The following ESRRG variants were observed in gnomAD, a reference collection of about 807,000 sequenced individuals.
ESRRG encodes estrogen related receptor gamma.
In ESRRG, 13 loss-of-function variants were observed where a neutral mutation model predicts 44.0. That is an observed-to-expected ratio of 0.30 (90% CI 0.19 to 0.47). The LOEUF (loss-of-function observed/expected upper bound fraction) is 0.47. Ranked by LOEUF, ESRRG falls within the 20% of genes least tolerant of loss-of-function variation. The pLI, the probability that ESRRG is intolerant of heterozygous loss-of-function variation, is 1.00. For synonymous variants in ESRRG, 215 were observed against 214.6 expected (o/e 1.00, Z -0.02); for missense variants, 395 against 580.6 (o/e 0.68, Z 3.29).
rs942642749 is a variant in ESRRG, at chr1:216,584,226, G to GT, written c.590-16129dup. ...TTTTTTCTAAACCAAGGTGCTCTCT[G>GT]TTTTTTTAATTCTATTTTTTTAAAA... On this transcript the variant is annotated intron_variant, in intron 3 of 6. Coordinates refer to ENST00000408911, the MANE Select transcript of ESRRG (RefSeq NM_001438.4). Among the ~76,000 whole-genome samples, 45 of 150,040 alleles carry GT rather than the reference G, an allele frequency of 3.0e-4. 1 individual carries two copies. The highest frequency in any genetic ancestry group is 3.5e-3 in the Middle Eastern group (1 of 284).
chr1:216,911,331 G>C (rs998401983), intron 2 of ESRRG, among the ~76,000 whole-genome samples: 1 of 152,108 alleles, frequency 6.6e-6, no homozygotes, highest in Non-Finnish European at 1.5e-5. Context: ...AGACATGGAG[G>C]AACCTTAAAT....
chr1:216,959,941 C>A (rs1290826833), intron 1 of ESRRG, among the ~76,000 whole-genome samples: 2 of 152,116 alleles, frequency 1.3e-5, no homozygotes, highest in African/African-American at 4.8e-5. Context: ...CCAGGAGGAA[C>A]TATTCCCACT....
At chr1:216,642,030 A>G (rs1222444881) in intron 3 of ESRRG, among the ~76,000 whole-genome samples, 1 of 152,204 alleles carries the variant, frequency 6.6e-6, no homozygotes, top group Non-Finnish European at 1.5e-5. Flanking sequence ...AGTATCTCAT[A>G]ATACCCATAG....
chr1:217,044,669 T>G (rs2084519808), intron 1 of ESRRG, among the ~76,000 whole-genome samples: 1 of 152,162 alleles, frequency 6.6e-6, no homozygotes, highest in Admixed American at 6.5e-5. Flanking sequence ...GAGTCCATTT[T>G]CATATTTTCT....
chr1:216,899,143 A>G (rs1264106858), intron 2 of ESRRG, among the ~76,000 whole-genome samples: 1 of 152,158 alleles, frequency 6.6e-6, no homozygotes, highest in East Asian at 1.9e-4. Context: ...TCAGGAAATA[A>G]ATGGCTAAGA....
chr1:216,854,044 C>T (rs2095879398), intron 2 of ESRRG, among the ~76,000 whole-genome samples: 1 of 152,076 alleles, frequency 6.6e-6, no homozygotes, highest in Non-Finnish European at 1.5e-5. Flanking sequence ...CAGCTGGCTG[C>T]TTCTGCAGCT....
intron 1 of ESRRG, among the ~76,000 whole-genome samples, chr1:216,682,907 G>A (rs113375549): frequency 0.016 from 2,437 of 152,096 alleles, 44 homozygotes; most frequent in South Asian, 0.035. Flanking sequence ...TTGCACTCTC[G>A]TAAAGTGGCA....
rs11572501 is a variant in ESRRG, at chr1:216,930,220, G to A, written c.-14+9362C>T. On this transcript the variant is annotated intron_variant, in intron 2 of 7. Transcript: ENST00000359162. The stretch of plus-strand genomic sequence containing the variant: ...TTCTAACCTCCTTCCTTCTGCTTCA[G>A]ATATTCTGGGTCTCTTCTATATCCA... Among the ~76,000 whole-genome samples, 1,267 of 152,086 alleles carry A rather than the reference G, an allele frequency of 8.3e-3. 9 individuals carry two copies. Among genetic ancestry groups the A allele is most frequent in the Non-Finnish European group, 0.014 (965 of 67,992 alleles).
At chr1:216,528,944 T>C (rs1216280214) in intron 5 of ESRRG, among the ~76,000 whole-genome samples, 1 of 152,148 alleles carries the variant, frequency 6.6e-6, no homozygotes, top group African/African-American at 2.4e-5. Flanking sequence ...TAAGGGCCCT[T>C]CCTATGATAA....
At chr1:216,688,682 A>G (rs1409993712) in intron 1 of ESRRG, among the ~76,000 whole-genome samples, 1 of 152,078 alleles carries the variant, frequency 6.6e-6, no homozygotes, top group Non-Finnish European at 1.5e-5. Context: ...GAGATATGAA[A>G]TTGTTCATAT....
At chr1:217,035,318 T>TCAAA (rs2082697313) in intron 1 of ESRRG, among the ~76,000 whole-genome samples, 1 of 23,142 alleles carries the variant, frequency 4.3e-5, no homozygotes, top group African/African-American at 1.6e-4. Context: ...AGACTCTGTC[T>TCAAA]CAAAAAAAAA....
chr1:216,898,482 G>A (rs531493509), intron 2 of ESRRG, among the ~76,000 whole-genome samples: 2 of 152,204 alleles, frequency 1.3e-5, no homozygotes, highest in East Asian at 3.9e-4. Flanking sequence ...GCTGGGCGTG[G>A]TGGTGGGTGC....
intron 2 of ESRRG, among the ~76,000 whole-genome samples, chr1:216,920,520 G>A (rs11572507): frequency 0.01 from 1,519 of 151,878 alleles, 24 homozygotes; most frequent in African/African-American, 0.035. Flanking sequence ...ATTTAATGAC[G>A]TCTTTTTATC....
At chr1:216,666,317 C>A (rs1294511760) in intron 2 of ESRRG, among the ~76,000 whole-genome samples, 1 of 152,204 alleles carries the variant, frequency 6.6e-6, no homozygotes, top group Admixed American at 6.6e-5. Flanking sequence ...TAGCCATAAC[C>A]AATTTTGAGT....
At chr1:216,655,557 A>G (rs1270329401) in intron 2 of ESRRG, among the ~76,000 whole-genome samples, 1 of 152,206 alleles carries the variant, frequency 6.6e-6, no homozygotes. Context: ...ATGGATGGAA[A>G]TCAGTGGTCC....
At chr1:216,715,570 G>C (rs1326152039) in intron 1 of ESRRG, among the ~76,000 whole-genome samples, 1 of 152,068 alleles carries the variant, frequency 6.6e-6, no homozygotes, top group Non-Finnish European at 1.5e-5. Context: ...AGGGCAAAGG[G>C]CAATCAATTG....
chr1:216,815,804 G>A (rs1004927022), intron 2 of ESRRG, among the ~76,000 whole-genome samples: 5 of 152,228 alleles, frequency 3.3e-5, no homozygotes, highest in African/African-American at 1.2e-4. Flanking sequence ...GCATAAGGGT[G>A]TAGACTATTT....
At chr1:216,571,015 CTTGAT>C (rs1020029284) in intron 3 of ESRRG, among the ~76,000 whole-genome samples, 6 of 152,166 alleles carry the variant, frequency 3.9e-5, no homozygotes, top group African/African-American at 1.4e-4. Flanking sequence ...AGCTGAGTGA[CTTGAT>C]TTAAGATCTT....
intron 2 of ESRRG, among the ~76,000 whole-genome samples, chr1:216,765,779 G>T (rs866429776): frequency 4.6e-5 from 7 of 152,058 alleles, no homozygotes; most frequent in Admixed American, 3.9e-4. Context: ...TGGCAGTGGG[G>T]CGTTCCACTG....
Sources: allele counts gnomAD v4.1 joint callset (sites outside exome capture counted in the v4.1 genomes callset), GRCh38; gene constraint gnomAD v4.1.1; transcripts MANE v1.5; gene names NCBI Gene and HGNC (gene_info 2026-07-23, HGNC 2026-07-21).